CSRNP2: variants seen among roughly 807,000 people sequenced by gnomAD.
The protein encoded by CSRNP2 is cysteine/serine-rich nuclear protein 2.
CSRNP2 carries 11 observed loss-of-function variants against 36.6 expected under a neutral mutation model. The observed-to-expected ratio is 0.30, with a 90% CI of 0.19 to 0.50. The LOEUF is 0.50. Among genes scored for constraint, CSRNP2 ranks in the 20% least tolerant of loss-of-function variants. The probability of loss-of-function intolerance (pLI) is 0.98; values close to 1 mark genes in which losing one functional copy is unlikely to be tolerated. For missense variants in CSRNP2, 483 were observed against 691.4 expected (o/e 0.70, Z 3.38); for synonymous variants, 248 against 275.3 (o/e 0.90, Z 0.98).
At chr12:51,069,327 G>A (rs112357796) in intron 3 of CSRNP2, among the ~76,000 whole-genome samples, 3 of 132,290 alleles carry the variant, frequency 2.3e-5, no homozygotes, top group Admixed American at 8.7e-5. Context: ...TCTCACTGTC[G>A]CTCAGGATGG....
chr12:51,071,524 G>A (rs894980912), intron 3 of CSRNP2, among the ~76,000 whole-genome samples: 1 of 152,154 alleles, frequency 6.6e-6, no homozygotes, highest in Middle Eastern at 3.2e-3. Flanking sequence ...CAACTACTTG[G>A]GAGGCTGAGG....
intron 4 of CSRNP2, among the ~76,000 whole-genome samples, chr12:51,065,761 C>G (rs1938142631): frequency 6.6e-6 from 1 of 152,162 alleles, no homozygotes; most frequent in Non-Finnish European, 1.5e-5. Flanking sequence ...CCAGGCCCAG[C>G]TGCATCAATT....
chr12:51,076,341 G>A, intron 2 of CSRNP2, 70 bp downstream of exon 2: 2 of 1,544,522 alleles, frequency 1.3e-6, no homozygotes, highest in South Asian at 2.3e-5. Flanking sequence ...CACAGACGCT[G>A]TCTCGAGCTG....
chr12:51,078,577 G>C (rs1030720366), intron 1 of CSRNP2, among the ~76,000 whole-genome samples: 1 of 152,074 alleles, frequency 6.6e-6, no homozygotes, highest in East Asian at 1.9e-4. Context: ...TAAAGATACC[G>C]ATCAACAAGA....
chr12:51,078,003 T>C (rs1165717917), intron 1 of CSRNP2, among the ~76,000 whole-genome samples: 2 of 152,200 alleles, frequency 1.3e-5, no homozygotes, highest in Non-Finnish European at 2.9e-5. Flanking sequence ...GCGGGAGCCA[T>C]GTGTGATGAG....
At chr12:51,072,908 T>C (rs1208351499) in intron 3 of CSRNP2, among the ~76,000 whole-genome samples, 1 of 152,092 alleles carries the variant, frequency 6.6e-6, no homozygotes, top group Non-Finnish European at 1.5e-5. Flanking sequence ...CGTATTCATA[T>C]TTTAAACTTA....
chr12:51,077,511 C>G (rs1398993925), intron 1 of CSRNP2, among the ~76,000 whole-genome samples: 1 of 152,134 alleles, frequency 6.6e-6, no homozygotes, highest in African/African-American at 2.4e-5. Context: ...GCTTGGAATA[C>G]ACTTTGGGAA....
Position 51,062,854 on chromosome 12 carries a change from GCAAGCAGCC to G in CSRNP2, c.*883_*891del. 6.6e-6 allele frequency: 1 copy of G among 152,528 alleles called. No individual in the cohort carries two copies. Among genetic ancestry groups the G allele is most frequent in the Non-Finnish European group, 1.5e-5 (1 of 68,064 alleles). The allele number at this position is 152,528 out of a possible 1,614,324, so 9.4% of individuals were successfully genotyped here. ...CACAAATATGTCATCTTTCCAGATA[GCAAGCAGCC>G]TGTTCCCGCTGCCTCCTTTGGCCAC... On this transcript the variant is annotated 3_prime_UTR_variant, in exon 5 of 5. Coordinates refer to ENST00000228515, the MANE Select transcript of CSRNP2 (RefSeq NM_030809.3).
chr12:51,063,597 TCAAA>T lies in CSRNP2; in HGVS notation c.*145_*148del, dbSNP rs1037683400. ...GTACTGTTTCCCTTTTAAAAAATACTCAAACAATCCTTTCCCACCCATTCCCCAA... is the reference window on the plus strand; with the variant it reads ...GTACTGTTTCCCTTTTAAAAAATACTCAATCCTTTCCCACCCATTCCCCAA... On this transcript the variant is annotated 3_prime_UTR_variant, in exon 5 of 5. Transcript: ENST00000228515. The T allele has an allele frequency of 3.4e-5, 21 of 621,298 alleles. No individual in the cohort carries two copies. In the African/African-American group the frequency reaches 3.5e-4, roughly 10 times the overall value. The allele number at this position is 621,298 out of a possible 1,614,324, so 38.5% of individuals were successfully genotyped here.
Position 51,064,327 on chromosome 12 carries a change from A to G in CSRNP2, c.1051T>C (p.Ser351Pro), listed in dbSNP as rs570203631. Residue 351 changes from serine (S) to proline (P), a missense_variant, in exon 5 of 5, where the codon TCG becomes CCG. By Grantham distance (74) the Ser-to-Pro change is moderately conservative. This residue lies in a region of CSRNP2 where 277 missense variants were observed against 323.6 expected (regional missense o/e 0.86). Coordinates refer to ENST00000228515, the MANE Select transcript of CSRNP2 (RefSeq NM_030809.3). ...DSSGSSASLD[S>P]SIESLGVCIL... ...CACACACCCAGGCTCTCGATGCTCG[A>G]GTCCAGGCTGGCACTAGAGCCGCTG... 4 of 1,614,192 alleles carry G rather than the reference A, an allele frequency of 2.5e-6. No individual in the cohort carries two copies. The South Asian group carries it at 3.3e-5, about 13-fold the overall frequency.
chr12:51,079,789 A>AAAAT (rs1566187604), intron 1 of CSRNP2, among the ~76,000 whole-genome samples: 6 of 147,454 alleles, frequency 4.1e-5, no homozygotes, highest in Non-Finnish European at 7.5e-5. Context: ...AAAAAAAAAA[A>AAAAT]AAAAGCTGGG....
At chr12:51,069,517 C>T (rs61934805) in intron 3 of CSRNP2, among the ~76,000 whole-genome samples, 3,841 of 149,762 alleles carry the variant, frequency 0.026, 83 homozygotes, top group Non-Finnish European at 0.043. Context: ...GAACTCCCGA[C>T]CTCAACTGAT....
chr12:51,078,661 A>G (rs1003789327), intron 1 of CSRNP2, among the ~76,000 whole-genome samples: 1 of 152,218 alleles, frequency 6.6e-6, no homozygotes, highest in African/African-American at 2.4e-5. Context: ...GCAAATCAAA[A>G]CCACAATGAG....
chr12:51,073,936 T>C lies in CSRNP2; in HGVS notation c.298A>G (p.Asn100Asp). The C allele has an allele frequency of 6.2e-7, 1 of 1,614,098 alleles. No individual in the cohort carries two copies. The highest frequency in any genetic ancestry group is 1.1e-5 in the South Asian group (1 of 91,072). ...CAGAGTGTATAGCTCCGTACAGAGTTATGGCGCTGGGCCATGCCCAGAGAG... is the reference window on the plus strand; with the variant it reads ...CAGAGTGTATAGCTCCGTACAGAGTCATGGCGCTGGGCCATGCCCAGAGAG... ...GSSLGMAQRHNSVRSYTLCEF... is the reference protein window; with the variant it reads ...GSSLGMAQRHDSVRSYTLCEF... The change falls in exon 3 of 5, where the codon AAC (asparagine) becomes GAC (aspartate). Residue 100 changes from asparagine (N) to aspartate (D), a missense_variant. Asn to Asp is a conservative substitution (Grantham distance 23). This residue lies in a region of CSRNP2 where 206 missense variants were observed against 367.8 expected (regional missense o/e 0.56). Transcript: ENST00000228515.
At chr12:51,076,813 T>C (rs999841163) in intron 1 of CSRNP2, 166 bp from the exon 2 acceptor site, 17 of 455,258 alleles carry the variant, frequency 3.7e-5, no homozygotes, top group African/African-American at 3.3e-4. Context: ...CTACTTTCGT[T>C]TCCCTTCAGC....
chr12:51,073,230 T>C (rs1939259732), intron 3 of CSRNP2, among the ~76,000 whole-genome samples: 1 of 110,250 alleles, frequency 9.1e-6, no homozygotes, highest in Non-Finnish European at 2.0e-5. Flanking sequence ...AAAGAAAACA[T>C]ACATACATAC....
In CSRNP2 at chr12:51,064,284, A is replaced by G; in HGVS notation, c.1094T>C (p.Leu365Pro). ...SLGVCILEEP[L>P]AVPEELCPGL... ...TGGGCACAGCTCTTCGGGGACAGCC[A>G]GAGGCTCCTCTAGGATGCACACACC... The change falls in exon 5 of 5, where the codon CTG (leucine) becomes CCG (proline). Residue 365 changes from leucine to proline, a missense_variant. Coordinates refer to ENST00000228515, the MANE Select transcript of CSRNP2 (RefSeq NM_030809.3). 6.2e-7 allele frequency: 1 copy of G among 1,613,114 alleles called. No homozygotes were observed. Among genetic ancestry groups the G allele is most frequent in the Non-Finnish European group, 8.5e-7 (1 of 1,179,568 alleles).
In CSRNP2 at chr12:51,072,562, C is replaced by CAA. The variant is rs71089741; in HGVS notation, c.411+1259_411+1260dup. Among the ~76,000 whole-genome samples the CAA allele has an allele frequency of 3.4e-3, 225 of 66,902 alleles. 14 individuals are homozygous for CAA. The highest frequency in any genetic ancestry group is 0.014 in the African/African-American group (203 of 14,944). The allele number at this position is 66,902 out of a possible 152,430, so 43.9% of individuals were successfully genotyped here. A position where few individuals can be genotyped will look rare whatever the true frequency, so the allele number is the denominator to read the frequency against. On this transcript the variant is annotated intron_variant, in intron 3 of 4. Coordinates refer to ENST00000228515, the MANE Select transcript of CSRNP2 (RefSeq NM_030809.3). ...TGGGCAACAGAGCTAGGCTCCGTCT[C>CAA]AAAAAAAAAAAAAAAAAAAAAAAAA...
At chr12:51,080,754 A>G (rs1283681394) in intron 1 of CSRNP2, among the ~76,000 whole-genome samples, 1 of 152,142 alleles carries the variant, frequency 6.6e-6, no homozygotes, top group Non-Finnish European at 1.5e-5. Context: ...TTAAAAAGAA[A>G]AAAGATTATG....
Sources: allele counts gnomAD v4.1 joint callset (sites outside exome capture counted in the v4.1 genomes callset), GRCh38; gene constraint gnomAD v4.1.1; regional missense constraint gnomAD v4.1.1; transcripts MANE v1.5; gene names NCBI Gene and HGNC (gene_info 2026-07-23, HGNC 2026-07-21).